The following MYBPHL variants were observed in gnomAD, a reference collection of about 807,000 sequenced individuals.
MYBPHL encodes myosin binding protein H like.
A neutral mutation model predicts 39.5 loss-of-function variants in MYBPHL; 32 were observed. The observed-to-expected ratio is 0.81, with a 90% CI of 0.61 to 1.09. The LOEUF (loss-of-function observed/expected upper bound fraction) is 1.09, where lower values mean the gene tolerates loss of function less well. MYBPHL is among the 50% of genes least tolerant of loss of function. The pLI is 0.00. For missense variants in MYBPHL, 456 were observed against 460.2 expected (o/e 0.99, Z 0.08); for synonymous variants, 196 against 183.7 (o/e 1.07, Z -0.54).
At chr1:109,301,741 C>CA (rs1047697320) in intron 1 of MYBPHL, among the ~76,000 whole-genome samples, 2 of 115,608 alleles carry the variant, frequency 1.7e-5, no homozygotes, top group African/African-American at 5.3e-5. Context: ...AACTTCATCT[C>CA]AAAAAGAAAA....
Position 109,294,232 on chromosome 1 carries a change from G to A in MYBPHL, c.*7C>T, listed in dbSNP as rs1029171368. ...TTTGTCAGAGTACCATGCCTTCTTA[G>A]GTGTCCTCAATTAGGAACTGTAATA... On this transcript the variant is annotated 3_prime_UTR_variant, in exon 8 of 9. Coordinates refer to ENST00000357155, the MANE Select transcript of MYBPHL (RefSeq NM_001010985.3). 6.2e-7 allele frequency: 1 copy of A among 1,607,688 alleles called. No homozygotes were observed. The highest frequency in any genetic ancestry group is 1.3e-5 in the African/African-American group (1 of 74,818).
intron 4 of MYBPHL, 30 bp downstream of exon 4, chr1:109,297,020 C>T (rs1394443807): frequency 6.2e-7 from 1 of 1,613,930 alleles, no homozygotes; most frequent in Non-Finnish European, 8.5e-7. Context: ...ATGCCCTCTT[C>T]CACCCTCCTT....
chr1:109,295,469 C>T (rs1162830713), intron 6 of MYBPHL, among the ~76,000 whole-genome samples, 172 bp from the exon 7 acceptor site: 1 of 152,208 alleles, frequency 6.6e-6, no homozygotes, highest in African/African-American at 2.4e-5. Context: ...CAGCAGTCCC[C>T]CAAGCTCCTT....
intron 1 of MYBPHL, among the ~76,000 whole-genome samples, chr1:109,304,247 C>T (rs558691877): frequency 1.3e-5 from 2 of 152,220 alleles, no homozygotes; most frequent in African/African-American, 4.8e-5. Flanking sequence ...TAGAAGAGCG[C>T]CTGGCACATC....
intron 1 of MYBPHL, among the ~76,000 whole-genome samples, chr1:109,299,659 T>C (rs188115053): frequency 1.2e-4 from 18 of 152,370 alleles, no homozygotes; most frequent in Middle Eastern, 3.4e-3. Flanking sequence ...CTGTGCTGTG[T>C]GGCTTATGTT....
At chr1:109,305,784 A>T (rs593442) in intron 1 of MYBPHL, among the ~76,000 whole-genome samples, 3 of 152,238 alleles carry the variant, frequency 2.0e-5, no homozygotes, top group East Asian at 1.9e-4. Flanking sequence ...AGGCAGACAG[A>T]GTCTGCTGCA....
intron 5 of MYBPHL, 45 bp downstream of exon 5, chr1:109,296,738 C>T (rs1281414277): frequency 6.2e-7 from 1 of 1,611,502 alleles, no homozygotes; most frequent in Admixed American, 1.7e-5. Context: ...TGTGCCCGGC[C>T]TATCCTTAAG....
chr1:109,306,663 C>T (rs1658478283), intron 1 of MYBPHL, among the ~76,000 whole-genome samples, 184 bp downstream of exon 1: 1 of 152,234 alleles, frequency 6.6e-6, no homozygotes, highest in African/African-American at 2.4e-5. Context: ...GACATTTGAG[C>T]AGCAAGTTAG....
rs1658089605 is a variant in MYBPHL, at chr1:109,296,872, G to A, written c.641C>T (p.Ser214Phe). The change falls in exon 5 of 9, where the codon TCC becomes TTC. Residue 214 changes from serine to phenylalanine, a missense_variant. By Grantham distance (155) the Ser-to-Phe change is radical. Coordinates refer to ENST00000357155, the MANE Select transcript of MYBPHL (RefSeq NM_001010985.3). ...CIVSDLIIGN[S>F]YAFRVFAENQ... is the part of the protein sequence containing the mutation. ...TTCAGCAAAGACACGGAAGGCATAGGAGTTGCCGATGATGAGGTCAGAGAC... is the reference window on the plus strand; with the variant it reads ...TTCAGCAAAGACACGGAAGGCATAGAAGTTGCCGATGATGAGGTCAGAGAC... 5.0e-6 allele frequency: 8 copies of A among 1,614,182 alleles called. No individual in the cohort carries two copies. Among genetic ancestry groups the A allele is most frequent in the Non-Finnish European group, 6.8e-6 (8 of 1,180,040 alleles).
Position 109,303,634 on chromosome 1 carries a change from C to G in MYBPHL, c.145+3213G>C, listed in dbSNP as rs748645562. ...TCTTCTAAAACCTCCCTACCTTCTC[C>G]CTCATTCTCATTCCCAGTTGTCGAT... is the stretch of plus-strand genomic sequence containing the variant. On this transcript the variant is annotated intron_variant, in intron 1 of 8. Transcript: ENST00000357155. Among the ~76,000 whole-genome samples the G allele has an allele frequency of 2.6e-5, 4 of 152,250 alleles. No homozygotes were observed. The South Asian group carries it at 8.3e-4, about 32-fold the overall frequency.
At position 109,296,815 on chromosome 1, in the gene MYBPHL, A is replaced by T. The variant is rs773805544; in HGVS notation, c.698T>A (p.Ile233Asn). The T allele has an allele frequency of 1.1e-5, 18 of 1,613,998 alleles. No individual in the cohort carries two copies. The highest frequency in any genetic ancestry group is 5.0e-5 in the Admixed American group (3 of 59,982). ...CTGGATGTGGGCGAGGTCCGTAGTGATGGGGGCTGTTTCACTGAGTCCGCA... is the reference window on the plus strand; with the variant it reads ...CTGGATGTGGGCGAGGTCCGTAGTGTTGGGGGCTGTTTCACTGAGTCCGCA... Reference protein sequence around the residue: ...NQCGLSETAPITTDLAHIQKA... With the variant: ...NQCGLSETAPNTTDLAHIQKA... Residue 233 changes from isoleucine (I) to asparagine (N), a missense_variant, in exon 5 of 9, where the codon ATC becomes AAC. Physicochemically the swap from Ile to Asn is moderately radical, Grantham distance 149. Coordinates refer to ENST00000357155, the MANE Select transcript of MYBPHL (RefSeq NM_001010985.3).
intron 1 of MYBPHL, among the ~76,000 whole-genome samples, chr1:109,305,808 G>A (rs1413646687): frequency 6.6e-6 from 1 of 152,222 alleles, no homozygotes; most frequent in Non-Finnish European, 1.5e-5. Context: ...CCCTATGGAG[G>A]TAGAACGCAG....
chr1:109,296,896 AC>A lies in MYBPHL; in HGVS notation c.616del (p.Val206SerfsTer90). The A allele has an allele frequency of 6.2e-7, 1 of 1,614,142 alleles. No individual in the cohort carries two copies. Among genetic ancestry groups the A allele is most frequent in the Admixed American group, 1.7e-5 (1 of 60,022 alleles). On this transcript the variant is annotated frameshift_variant, in exon 5 of 9. Transcript: ENST00000357155. LOFTEE classifies it high-confidence loss of function. ...LEHYHRTSCIVSDLIIGNSYA... is the reference protein window; with the variant it reads ...LEHYHRTSCIXSDLIIGNSYA... ...GGAGTTGCCGATGATGAGGTCAGAGACGATGCAGCTGGTGCGGTGATAGTGC... is the reference window on the plus strand; with the variant it reads ...GGAGTTGCCGATGATGAGGTCAGAGAGATGCAGCTGGTGCGGTGATAGTGC...
intron 8 of MYBPHL, chr1:109,293,024 T>C (rs890159874): frequency 6.6e-6 from 1 of 152,140 alleles, no homozygotes; most frequent in African/African-American, 2.4e-5. Flanking sequence ...TAAATTATAA[T>C]TGACATAAAT....
At chr1:109,303,998 G>A (rs1316146109) in intron 1 of MYBPHL, among the ~76,000 whole-genome samples, 1 of 152,128 alleles carries the variant, frequency 6.6e-6, no homozygotes, top group African/African-American at 2.4e-5. Flanking sequence ...CTGCTCAAAT[G>A]TCACCTTATT....
chr1:109,293,744 T>TAAAA (rs1395732847), intron 8 of MYBPHL, among the ~76,000 whole-genome samples: 3 of 137,388 alleles, frequency 2.2e-5, no homozygotes, highest in East Asian at 2.2e-4. Flanking sequence ...TGTCTCAAAA[T>TAAAA]AAATAAATAA....
At chr1:109,293,783 G>C (rs532427093) in intron 8 of MYBPHL, among the ~76,000 whole-genome samples, 1 of 150,490 alleles carries the variant, frequency 6.6e-6, no homozygotes, top group African/African-American at 2.4e-5. Context: ...GGTTACAACA[G>C]CTGGGCATGT....
At chr1:109,298,342 C>CT (rs1658162888) in intron 1 of MYBPHL, 85 bp from the exon 2 acceptor site, 24 of 1,222,510 alleles carry the variant, frequency 2.0e-5, no homozygotes, top group Non-Finnish European at 2.7e-5. Context: ...GGGTGAGTGG[C>CT]CCAGGAATCG....
chr1:109,304,779 C>T (rs1658408684), intron 1 of MYBPHL, among the ~76,000 whole-genome samples: 1 of 152,220 alleles, frequency 6.6e-6, no homozygotes, highest in African/African-American at 2.4e-5. Context: ...AGACATAGAA[C>T]TGTTTACCAA....
Sources: allele counts gnomAD v4.1 joint callset (sites outside exome capture counted in the v4.1 genomes callset), GRCh38; gene constraint gnomAD v4.1.1; transcripts MANE v1.5; gene names NCBI Gene and HGNC (gene_info 2026-07-23, HGNC 2026-07-21).